Variants in LRRTM4 observed in about 807,000 individuals in gnomAD.
The protein encoded by LRRTM4 is leucine rich repeat transmembrane neuronal 4, also known as leucine-rich repeat transmembrane neuronal protein 4.
In LRRTM4, 25 loss-of-function variants were observed where a neutral mutation model predicts 47.6. The ratio of observed to expected loss-of-function variants is 0.53; its 90% CI spans 0.38 to 0.73. The LOEUF is 0.73. Among genes scored for constraint, LRRTM4 ranks in the 30% least tolerant of loss-of-function variants. The pLI is 0.00. For missense variants in LRRTM4, 638 were observed against 713.4 expected, an observed-to-expected ratio of 0.89 and a Z score of 1.20; for synonymous variants, 311 against 269.5, an observed-to-expected ratio of 1.15 and a Z score of -1.51.
intron 3 of LRRTM4, among the ~76,000 whole-genome samples, chr2:76,822,873 G>T (rs978911068): frequency 2.0e-5 from 3 of 151,200 alleles, no homozygotes; most frequent in Non-Finnish European, 4.4e-5. Flanking sequence ...CAGTATTGTT[G>T]AACTCTTTCT....
intron 3 of LRRTM4, among the ~76,000 whole-genome samples, chr2:76,953,045 T>C (rs1238031440): frequency 3.3e-5 from 5 of 151,566 alleles, no homozygotes; most frequent in Non-Finnish European, 7.4e-5. Context: ...AAGAAAAGAA[T>C]GGGAGAATGG....
At chr2:77,241,792 GT>G (rs1211035154) in intron 3 of LRRTM4, among the ~76,000 whole-genome samples, 1 of 152,002 alleles carries the variant, frequency 6.6e-6, no homozygotes, top group Non-Finnish European at 1.5e-5. Context: ...GACTTGTATA[GT>G]TTTAGCACTT....
chr2:77,116,981 C>A (rs1671405834), intron 3 of LRRTM4, among the ~76,000 whole-genome samples: 1 of 151,740 alleles, frequency 6.6e-6, no homozygotes, highest in African/African-American at 2.4e-5. Context: ...ACATCCCTGC[C>A]CCAGGCCAAC....
Position 76,872,049 on chromosome 2 carries a change from C to G in LRRTM4, c.1552-123133G>C, listed in dbSNP as rs1672638808. ...GCTAAGCCATGTCTGGTCTTCTAACCCACAGCAACGGTAGGGTAATGAGTA... is the reference window on the plus strand; with the variant it reads ...GCTAAGCCATGTCTGGTCTTCTAACGCACAGCAACGGTAGGGTAATGAGTA... On this transcript the variant is annotated intron_variant, in intron 3 of 3. Coordinates refer to ENST00000409884, the MANE Select transcript of LRRTM4 (RefSeq NM_001134745.3). Among the ~76,000 whole-genome samples, 3 of 152,112 alleles carry G rather than the reference C, an allele frequency of 2.0e-5. No individual in the cohort carries two copies. In the South Asian group the frequency reaches 6.2e-4, roughly 31 times the overall value.
rs919860247 is a variant in LRRTM4, at chr2:76,912,218, C to T, written c.1552-163302G>A. 4.0e-5 allele frequency among the ~76,000 whole-genome samples: 6 copies of T among 151,894 alleles called. No individual in the cohort carries two copies. The South Asian group carries it at 6.2e-4, about 16-fold the overall frequency. On this transcript the variant is annotated intron_variant, in intron 3 of 3. Coordinates refer to ENST00000409884, the MANE Select transcript of LRRTM4 (RefSeq NM_001134745.3). ...ACAGGCGTGAGCCACCGCCCCTGGC[C>T]GATATGTGCTTTTTAAATTAGATGT...
At chr2:77,411,024 G>A (rs1674400965) in intron 3 of LRRTM4, among the ~76,000 whole-genome samples, 1 of 152,052 alleles carries the variant, frequency 6.6e-6, no homozygotes, top group Non-Finnish European at 1.5e-5. Flanking sequence ...AATCTACCTG[G>A]AACAATAAAT....
intron 3 of LRRTM4, among the ~76,000 whole-genome samples, chr2:77,087,944 G>T (rs1417561929): frequency 6.6e-6 from 1 of 152,116 alleles, no homozygotes; most frequent in Non-Finnish European, 1.5e-5. Context: ...AGAGGCAAAA[G>T]ATCATATGCT....
intron 3 of LRRTM4, among the ~76,000 whole-genome samples, chr2:77,254,959 G>A (rs775858201): frequency 2.0e-5 from 3 of 149,046 alleles, no homozygotes; most frequent in Non-Finnish European, 4.5e-5. Context: ...TTCATTAAAC[G>A]TAAATAATCT....
chr2:77,479,668 T>C (rs1427407666), intron 3 of LRRTM4, among the ~76,000 whole-genome samples: 1 of 152,190 alleles, frequency 6.6e-6, no homozygotes, highest in Non-Finnish European at 1.5e-5. Flanking sequence ...CAATTCTTTG[T>C]GGCATTTCCT....
chr2:77,374,716 C>T (rs1033389543), intron 3 of LRRTM4, among the ~76,000 whole-genome samples: 1 of 151,704 alleles, frequency 6.6e-6, no homozygotes, highest in African/African-American at 2.4e-5. Flanking sequence ...TGACTAGAGA[C>T]CATCTGGTCT....
At chr2:77,082,829 C>T (rs576377040) in intron 3 of LRRTM4, among the ~76,000 whole-genome samples, 62 of 151,954 alleles carry the variant, frequency 4.1e-4, no homozygotes, top group Non-Finnish European at 7.8e-4. Flanking sequence ...GACACATCTG[C>T]CTTGTTTTAA....
intron 3 of LRRTM4, among the ~76,000 whole-genome samples, chr2:76,986,503 G>A (rs1676801285): frequency 6.6e-6 from 1 of 151,856 alleles, no homozygotes; most frequent in African/African-American, 2.4e-5. Flanking sequence ...ACCAATAGTT[G>A]TTTGTGCTTT....
At chr2:77,081,255 C>G (rs1281491111) in intron 3 of LRRTM4, among the ~76,000 whole-genome samples, 2 of 102,730 alleles carry the variant, frequency 1.9e-5, no homozygotes, top group East Asian at 3.3e-4. Context: ...GCAACACACA[C>G]ACACACACAC....
chr2:77,029,059 A>ATATATATATAATATATATATGT (rs1678556238), intron 3 of LRRTM4, among the ~76,000 whole-genome samples: 2 of 145,068 alleles, frequency 1.4e-5, no homozygotes, highest in Non-Finnish European at 3.0e-5. Context: ...ACAAATATAT[A>ATATATATATAATATATATATGT]TATATATATA....
chr2:76,948,935 A>G (rs1675411252), intron 3 of LRRTM4, among the ~76,000 whole-genome samples: 1 of 151,920 alleles, frequency 6.6e-6, no homozygotes, highest in Admixed American at 6.6e-5. Context: ...TGATTTTGAT[A>G]AAGCTATATG....
chr2:76,919,848 T>A (rs1287106836), intron 3 of LRRTM4, among the ~76,000 whole-genome samples: 2 of 152,140 alleles, frequency 1.3e-5, no homozygotes, highest in Admixed American at 1.3e-4. Context: ...ATATGACGGG[T>A]CTGTCTTCTT....
At chr2:76,855,465 T>C (rs1032969182) in intron 3 of LRRTM4, among the ~76,000 whole-genome samples, 2 of 152,190 alleles carry the variant, frequency 1.3e-5, no homozygotes, top group Admixed American at 1.3e-4. Flanking sequence ...ATCAAACACT[T>C]CATAAAATTT....
intron 3 of LRRTM4, among the ~76,000 whole-genome samples, chr2:77,189,748 A>G (rs759005414): frequency 1.3e-5 from 2 of 150,278 alleles, no homozygotes; most frequent in Non-Finnish European, 2.9e-5. Flanking sequence ...CTTTATATAT[A>G]CTTTATATGT....
At chr2:76,935,367 G>GT (rs1558748101) in intron 3 of LRRTM4, among the ~76,000 whole-genome samples, 2 of 152,092 alleles carry the variant, frequency 1.3e-5, no homozygotes, top group Non-Finnish European at 2.9e-5. Flanking sequence ...ATTTAAAGTA[G>GT]TTTTTTTCAA....
Sources: allele counts gnomAD v4.1 joint callset (sites outside exome capture counted in the v4.1 genomes callset), GRCh38; gene constraint gnomAD v4.1.1; transcripts MANE v1.5; gene names NCBI Gene and HGNC (gene_info 2026-07-23, HGNC 2026-07-21).